The following NETO1 variants were observed in gnomAD, a reference collection of about 807,000 sequenced individuals.
NETO1 encodes neuropilin and tolloid-like protein 1.
A neutral mutation model predicts 61.3 loss-of-function variants in NETO1; 26 were observed. The ratio of observed to expected loss-of-function variants is 0.42; its 90% CI spans 0.31 to 0.59. The LOEUF is 0.59. Ranked by LOEUF, NETO1 falls within the 20% of genes least tolerant of loss-of-function variation. The pLI is 0.12. For synonymous variants in NETO1, 225 were observed against 225.8 expected (o/e 1.00, Z 0.03); for missense variants, 531 against 662.8 (o/e 0.80, Z 2.18).
At chr18:72,827,090 C>CTATT (rs529812970) in intron 4 of NETO1, among the ~76,000 whole-genome samples, 1 of 142,738 alleles carries the variant, frequency 7.0e-6, no homozygotes, top group Non-Finnish European at 1.5e-5. Flanking sequence ...TCAATGCTTT[C>CTATT]TTTTTTTTTT....
chr18:72,806,062 G>T (rs2072664219), intron 4 of NETO1, among the ~76,000 whole-genome samples: 1 of 151,984 alleles, frequency 6.6e-6, no homozygotes, highest in African/African-American at 2.4e-5. Context: ...ATTTGTGTAG[G>T]CTTCGTGGGG....
intron 7 of NETO1, among the ~76,000 whole-genome samples, chr18:72,781,198 C>A (rs1441135025): frequency 1.3e-5 from 2 of 152,174 alleles, no homozygotes; most frequent in Non-Finnish European, 2.9e-5. Flanking sequence ...AAAATCTGGA[C>A]TGTATCATTT....
chr18:72,791,011 A>C (rs1014580458), intron 6 of NETO1, among the ~76,000 whole-genome samples: 1 of 152,140 alleles, frequency 6.6e-6, no homozygotes, highest in Non-Finnish European at 1.5e-5. Context: ...GCATATGTCT[A>C]CACTCCTTTG....
chr18:72,853,472 C>T (rs1316663737), intron 4 of NETO1: 1 of 152,106 alleles, frequency 6.6e-6, no homozygotes. Flanking sequence ...CGAAGTCCTT[C>T]TTTTAGCTGG....
At position 72,862,615 on chromosome 18, in the gene NETO1, T is replaced by TTTTTTC. The variant is rs386388153; in HGVS notation, c.220+2192_220+2193insGAAAAA. 3.2e-4 allele frequency among the ~76,000 whole-genome samples: 35 copies of TTTTTTC among 110,818 alleles called. 1 individual carries two copies. Among genetic ancestry groups the TTTTTTC allele is most frequent in the African/African-American group, 9.5e-4 (35 of 36,828 alleles). 72.7% of individuals were successfully genotyped at this position (110,818 alleles called of 152,430 possible). A position where few individuals can be genotyped will look rare whatever the true frequency, so the allele number is the denominator to read the frequency against. On this transcript the variant is annotated intron_variant, in intron 3 of 10. Transcript: ENST00000327305. ...CCTGATCCAGCCACTCATGATCCTT[T>TTTTTTC]TTTTTTCTTTTTTTTTTTTTTTTGA...
At chr18:72,778,318 C>G (rs1266643001) in intron 7 of NETO1, among the ~76,000 whole-genome samples, 1 of 152,176 alleles carries the variant, frequency 6.6e-6, no homozygotes, top group African/African-American at 2.4e-5. Context: ...CCTGGCTACA[C>G]CTTTGGTGTT....
intron 3 of NETO1, among the ~76,000 whole-genome samples, chr18:72,862,688 T>C (rs1779121612): frequency 6.7e-6 from 1 of 149,206 alleles, no homozygotes; most frequent in African/African-American, 2.5e-5. Context: ...TGGTGCGATC[T>C]CGGCTCACTG....
Position 72,747,041 on chromosome 18 carries a change from C to T in NETO1, c.*1138G>A, listed in dbSNP as rs1599072322. ...TTTAAAGCAGTTTTAAAAAGAGTTC[C>T]CTATTCTAAAAGAAGAAAATATTCC... is the stretch of plus-strand genomic sequence containing the variant. On this transcript the variant is annotated 3_prime_UTR_variant, in exon 11 of 11. Coordinates refer to ENST00000327305, the MANE Select transcript of NETO1 (RefSeq NM_138966.5). The T allele has an allele frequency of 2.0e-5, 3 of 151,810 alleles. No homozygotes were observed. The highest frequency in any genetic ancestry group is 1.9e-4 in the East Asian group (1 of 5,154). The allele number at this position is 151,810 out of a possible 1,614,324, so 9.4% of individuals were successfully genotyped here. A position where few individuals can be genotyped will look rare whatever the true frequency, so the allele number is the denominator to read the frequency against.
intron 4 of NETO1, among the ~76,000 whole-genome samples, chr18:72,854,638 G>A (rs1222936188): frequency 6.6e-6 from 1 of 152,180 alleles, no homozygotes; most frequent in Non-Finnish European, 1.5e-5. Context: ...TTTAGGCAAG[G>A]CAGTTGGCTG....
At chr18:72,798,586 C>A (rs73966665) in intron 4 of NETO1, among the ~76,000 whole-genome samples, 5 of 152,048 alleles carry the variant, frequency 3.3e-5, no homozygotes, top group African/African-American at 1.2e-4. Flanking sequence ...TATTTTAGTC[C>A]GCATGTGACA....
rs949177571 is a variant in NETO1 at position 72,851,202 on chromosome 18, G to A, written c.469+7624C>T. Among the ~76,000 whole-genome samples the A allele has an allele frequency of 3.3e-5, 5 of 152,134 alleles. No homozygotes were observed. In the East Asian group the frequency reaches 5.8e-4, roughly 18 times the overall value. On this transcript the variant is annotated intron_variant, in intron 4 of 10. Coordinates refer to ENST00000327305, the MANE Select transcript of NETO1 (RefSeq NM_138966.5). ...CCAGGCTGGCGGATCACCTGAGGTC[G>A]GGAGTTCGAGACCAGCCTGATCAAC...
chr18:72,867,498 CG>C lies in NETO1; in HGVS notation c.-208del. 1 of 394,790 alleles carries C rather than the reference CG, an allele frequency of 2.5e-6. No homozygotes were observed. The allele number at this position is 394,790 out of a possible 1,614,324, so 24.5% of individuals were successfully genotyped here. A position where few individuals can be genotyped will look rare whatever the true frequency, so the allele number is the denominator to read the frequency against. ...ATCCGGATGAGTCCGTCCTCCGCCC[CG>C]GGCGGGCTCTCGCTCTCGCTGGCCC... On this transcript the variant is annotated 5_prime_UTR_variant, in exon 1 of 11. It removes the in-frame stop codon of an upstream open reading frame in the 5' UTR. Coordinates refer to ENST00000327305, the MANE Select transcript of NETO1 (RefSeq NM_138966.5).
At chr18:72,815,401 T>C (rs1392618615) in intron 4 of NETO1, among the ~76,000 whole-genome samples, 4 of 152,118 alleles carry the variant, frequency 2.6e-5, no homozygotes, top group Non-Finnish European at 4.4e-5. Flanking sequence ...TCAACACTTA[T>C]AGCCTTCATA....
chr18:72,865,152 G>C (rs1363241279), intron 2 of NETO1, 36 bp downstream of exon 2: 1 of 1,585,178 alleles, frequency 6.3e-7, no homozygotes, highest in Non-Finnish European at 8.6e-7. Context: ...AAAATAATTC[G>C]AGGTCTTCCA....
At chr18:72,789,786 T>C (rs1193356475) in intron 6 of NETO1, among the ~76,000 whole-genome samples, 4 of 152,150 alleles carry the variant, frequency 2.6e-5, no homozygotes, top group African/African-American at 9.7e-5. Context: ...ATTCTCTTAC[T>C]TCCCCTTTCA....
chr18:72,836,843 T>G (rs1047788400), intron 4 of NETO1, among the ~76,000 whole-genome samples: 2 of 152,094 alleles, frequency 1.3e-5, no homozygotes, highest in Non-Finnish European at 2.9e-5. Flanking sequence ...CTCTGCTACA[T>G]CAATAGAAAA....
intron 9 of NETO1, 98 bp from the exon 10 acceptor site, chr18:72,749,186 C>G: frequency 1.3e-6 from 1 of 790,568 alleles, no homozygotes; most frequent in East Asian, 2.5e-5. Context: ...ATTCAGAAAA[C>G]TGTGGAAATA....
At chr18:72,838,551 T>A (rs941119136) in intron 4 of NETO1, among the ~76,000 whole-genome samples, 5 of 152,180 alleles carry the variant, frequency 3.3e-5, no homozygotes, top group African/African-American at 1.2e-4. Context: ...TCTACTGTCA[T>A]CCCAGGCTCC....
intron 4 of NETO1, among the ~76,000 whole-genome samples, chr18:72,812,101 A>G (rs1434372036): frequency 1.3e-5 from 2 of 152,246 alleles, no homozygotes; most frequent in East Asian, 3.9e-4. Context: ...ACTTCCCTAC[A>G]TTCACTGTAT....
Sources: allele counts gnomAD v4.1 joint callset (sites outside exome capture counted in the v4.1 genomes callset), GRCh38; gene constraint gnomAD v4.1.1; transcripts MANE v1.5; gene names NCBI Gene and HGNC (gene_info 2026-07-23, HGNC 2026-07-21).